PIEZO2: variants seen among roughly 807,000 people sequenced by gnomAD.
PIEZO2 encodes piezo type mechanosensitive ion channel component 2.
Under a neutral mutation model 337.3 loss-of-function variants are expected in PIEZO2, and 172 were observed. That is an observed-to-expected ratio of 0.51 (90% CI 0.45 to 0.58). The LOEUF (loss-of-function observed/expected upper bound fraction) is 0.58. Ranked by LOEUF, PIEZO2 falls within the 20% of genes least tolerant of loss-of-function variation. The probability of loss-of-function intolerance (pLI) is 0.00; values close to 1 mark genes in which losing one functional copy is unlikely to be tolerated. For missense variants in PIEZO2, 3,028 were observed against 3,391.3 expected (o/e 0.89, Z 2.66); for synonymous variants, 1,251 against 1,228.5 (o/e 1.02, Z -0.38).
chr18:10,957,171 G>C (rs1374542694), intron 3 of PIEZO2, among the ~76,000 whole-genome samples: 1 of 151,672 alleles, frequency 6.6e-6, no homozygotes, highest in Non-Finnish European at 1.5e-5. Context: ...GGCTGAGGTG[G>C]GTGGATCATG....
At position 11,147,087 on chromosome 18, in the gene PIEZO2, G is replaced by A. The variant is rs375154043; in HGVS notation, c.64+1438C>T. On this transcript the variant is annotated intron_variant, in intron 1 of 55. Coordinates refer to ENST00000674853, the MANE Select transcript of PIEZO2 (RefSeq NM_001378183.1). Reference sequence around the variant, plus strand: ...GATACAGAGATGATCCCTGAGCAGTGACACCCTCTGTGTGTAAGGCACCTG... The same window carrying A: ...GATACAGAGATGATCCCTGAGCAGTAACACCCTCTGTGTGTAAGGCACCTG... 3.3e-5 allele frequency among the ~76,000 whole-genome samples: 5 copies of A among 152,204 alleles called. No homozygotes were observed. The East Asian group carries it at 9.6e-4, about 29-fold the overall frequency.
chr18:11,105,238 T>A lies in PIEZO2; in HGVS notation c.65-39016A>T, dbSNP rs1319016341. 1.3e-5 allele frequency among the ~76,000 whole-genome samples: 2 copies of A among 151,864 alleles called. No individual in the cohort carries two copies. The highest frequency in any genetic ancestry group is 4.8e-5 in the African/African-American group (2 of 41,304). On this transcript the variant is annotated intron_variant, in intron 1 of 55. Coordinates refer to ENST00000674853, the MANE Select transcript of PIEZO2 (RefSeq NM_001378183.1). This position sits in a 1 kb window ranked among gnomAD's most constrained non-coding sequence, Gnocchi z 4.3. ...TTCTGAAACTTGCAACCAAAAAGAG[T>A]TACACGCCCAAAGACTGCAAACCAA...
Position 10,696,177 on chromosome 18 carries a change from G to A in PIEZO2, c.7087C>T (p.Leu2363Phe), listed in dbSNP as rs1404066413. The A allele has an allele frequency of 1.2e-6, 2 of 1,614,002 alleles. No homozygotes were observed. Among genetic ancestry groups the A allele is most frequent in the Non-Finnish European group, 1.7e-6 (2 of 1,179,966 alleles). The change falls in exon 47 of 56, where the codon CTC becomes TTC. Residue 2363 changes from leucine to phenylalanine, a missense_variant. This residue lies in a region of PIEZO2 where 179 missense variants were observed against 281.8 expected (regional missense o/e 0.64). Coordinates refer to ENST00000674853, the MANE Select transcript of PIEZO2 (RefSeq NM_001378183.1). Reference sequence around the variant, plus strand: ...CCCAGTACAGTCTTCCTGAGGTAGAGGGCTCGGTCCACCACCATGGTTCCA... The same window carrying A: ...CCCAGTACAGTCTTCCTGAGGTAGAAGGCTCGGTCCACCACCATGGTTCCA... ...QFGTMVVDRA[L>F]YLRKTVLGKV...
At position 11,105,459 on chromosome 18, in the gene PIEZO2, T is replaced by C. The variant is rs1361832262; in HGVS notation, c.65-39237A>G. Reference sequence around the variant, plus strand: ...TCACATCTTCATCCTCACGACACACTTCCACACTTCAAACTACCACGTGGT... The same window carrying C: ...TCACATCTTCATCCTCACGACACACCTCCACACTTCAAACTACCACGTGGT... On this transcript the variant is annotated intron_variant, in intron 1 of 55. Coordinates refer to ENST00000674853, the MANE Select transcript of PIEZO2 (RefSeq NM_001378183.1). This position sits in a 1 kb window ranked among gnomAD's most constrained non-coding sequence, Gnocchi z 4.3. Among the ~76,000 whole-genome samples, 1 of 152,110 alleles carries C rather than the reference T, an allele frequency of 6.6e-6. No homozygotes were observed. Among genetic ancestry groups the C allele is most frequent in the African/African-American group, 2.4e-5 (1 of 41,420 alleles).
At chr18:10,701,879 C>T in intron 43 of PIEZO2, 110 bp downstream of exon 43, 1 of 858,458 alleles carries the variant, frequency 1.2e-6, no homozygotes, top group Non-Finnish European at 1.7e-6. Context: ...CACTCACTGG[C>T]CCCTCAGCCC....
rs1314535404 is a variant in PIEZO2, at chr18:10,919,588, T to G, written c.287-8360A>C. On this transcript the variant is annotated intron_variant, in intron 3 of 55. Transcript: ENST00000674853. ...TTTGTAGAGACTAGGGCAGGTCTGT[T>G]CACAAACATCCATGCTTCAACACTC... Among the ~76,000 whole-genome samples the G allele has an allele frequency of 3.9e-5, 6 of 152,112 alleles. No homozygotes were observed. In the East Asian group the frequency reaches 1.2e-3, roughly 29 times the overall value.
rs376593720 is a variant in PIEZO2 at position 10,853,081 on chromosome 18, A to G, written c.917+2272T>C. 3.3e-5 allele frequency among the ~76,000 whole-genome samples: 5 copies of G among 152,206 alleles called. No individual in the cohort carries two copies. Among genetic ancestry groups the G allele is most frequent in the African/African-American group, 1.2e-4 (5 of 41,460 alleles). On this transcript the variant is annotated intron_variant, in intron 7 of 55. Coordinates refer to ENST00000674853, the MANE Select transcript of PIEZO2 (RefSeq NM_001378183.1). This position sits in a 1 kb window ranked among gnomAD's most constrained non-coding sequence, Gnocchi z 4.2. The stretch of plus-strand genomic sequence containing the variant: ...TAAAATGGCGGAGTTTAACTGGTAC[A>G]TGACCTTGTAGGAGCATTCGGTGAG...
rs77481189 is a variant in PIEZO2, at chr18:11,021,484, A to G, written c.161-41824T>C. Among the ~76,000 whole-genome samples, 3,244 of 152,136 alleles carry G rather than the reference A, an allele frequency of 0.021. 114 individuals carry two copies. Among genetic ancestry groups the G allele is most frequent in the African/African-American group, 0.074 (3,056 of 41,504 alleles). ...CTCCATGAATGCTTTCTTGGTGGTA[A>G]GGATGCAAATTTGAGTTGAGTTTCT... On this transcript the variant is annotated intron_variant, in intron 2 of 55. Transcript: ENST00000674853. This position sits in a 1 kb window ranked among gnomAD's most constrained non-coding sequence, Gnocchi z 4.7.
chr18:10,842,847 CAAT>C (rs1349447803), intron 7 of PIEZO2, among the ~76,000 whole-genome samples: 1 of 152,236 alleles, frequency 6.6e-6, no homozygotes, highest in Non-Finnish European at 1.5e-5. Context: ...AAAAACTCAA[CAAT>C]GAGTAACAAG....
chr18:10,999,288 C>T (rs1488935755), intron 2 of PIEZO2, among the ~76,000 whole-genome samples: 1 of 151,990 alleles, frequency 6.6e-6, no homozygotes, highest in Admixed American at 6.6e-5. Context: ...TTCAGCTCAC[C>T]TCCAAGTTGA....
rs1238332860 is a variant in PIEZO2, at chr18:10,846,454, T to C, written c.917+8899A>G. ...AAGAAAATCAAGTTTTACATTATTC[T>C]GATATATAAGGAGATAAAATACAAG... On this transcript the variant is annotated intron_variant, in intron 7 of 55. Transcript: ENST00000674853. The surrounding 1 kb of genome is among the most constrained non-coding windows in gnomAD (Gnocchi z 4.1). 6.6e-6 allele frequency among the ~76,000 whole-genome samples: 1 copy of C among 152,180 alleles called. No homozygotes were observed. The highest frequency in any genetic ancestry group is 1.5e-5 in the Non-Finnish European group (1 of 68,030).
chr18:10,757,222 G>C (rs958134635), intron 27 of PIEZO2, among the ~76,000 whole-genome samples: 5 of 149,758 alleles, frequency 3.3e-5, no homozygotes, highest in African/African-American at 1.2e-4. Context: ...GGATGAGGAT[G>C]AGAGGGAGGA....
At chr18:10,692,999 T>C (rs2034917793) in intron 47 of PIEZO2, among the ~76,000 whole-genome samples, 1 of 152,174 alleles carries the variant, frequency 6.6e-6, no homozygotes, top group Non-Finnish European at 1.5e-5. Flanking sequence ...ACAAGTATTT[T>C]GATGCATGAA....
intron 35 of PIEZO2, among the ~76,000 whole-genome samples, chr18:10,733,725 G>A (rs2036883590): frequency 6.6e-6 from 1 of 152,206 alleles, no homozygotes; most frequent in Non-Finnish European, 1.5e-5. Flanking sequence ...TGGGATTACA[G>A]GCGTGAGCCA....
intron 2 of PIEZO2, among the ~76,000 whole-genome samples, chr18:11,054,539 A>G (rs2037646493): frequency 6.6e-6 from 1 of 152,226 alleles, no homozygotes; most frequent in Non-Finnish European, 1.5e-5. Flanking sequence ...GCAAAAAAGC[A>G]TATCCTTGCC....
intron 4 of PIEZO2, among the ~76,000 whole-genome samples, chr18:10,873,242 C>T (rs924533694): frequency 7.9e-5 from 12 of 152,128 alleles, no homozygotes; most frequent in Non-Finnish European, 1.5e-5. Context: ...GCAGTTACTT[C>T]GTGCTAAGAG....
In PIEZO2 at chr18:10,697,923, G is replaced by A. The variant is rs1217939770; in HGVS notation, c.6695-43C>T. 5 of 1,560,574 alleles carry A rather than the reference G, an allele frequency of 3.2e-6. No individual in the cohort carries two copies. In the Admixed American group the frequency reaches 5.8e-5, roughly 18 times the overall value. Reference sequence around the variant, plus strand: ...TCATAAGATGGGTGGTGGAGCCTGGGGTTTGTTCACCTAAATATCCAAGAA... The same window carrying A: ...TCATAAGATGGGTGGTGGAGCCTGGAGTTTGTTCACCTAAATATCCAAGAA... On this transcript the variant is annotated intron_variant, in intron 44 of 55. Coordinates refer to ENST00000674853, the MANE Select transcript of PIEZO2 (RefSeq NM_001378183.1).
rs1598360478 is a variant in PIEZO2, at chr18:10,691,477, T to A, written c.7191-94A>T. Reference sequence around the variant, plus strand: ...AATTAAAACAACAGGCCAACAGAATTTCCCCTTCATCATTCCAACTCAATT... The same window carrying A: ...AATTAAAACAACAGGCCAACAGAATATCCCCTTCATCATTCCAACTCAATT... On this transcript the variant is annotated intron_variant, in intron 47 of 55. Transcript: ENST00000674853. 17 of 1,291,492 alleles carry A rather than the reference T, an allele frequency of 1.3e-5. No individual in the cohort carries two copies. The South Asian group carries it at 1.9e-4, about 14-fold the overall frequency. 80.0% of individuals were successfully genotyped at this position (1,291,492 alleles called of 1,614,324 possible). A position where few individuals can be genotyped will look rare whatever the true frequency, so the allele number is the denominator to read the frequency against.
chr18:11,050,624 A>G (rs2037489215), intron 2 of PIEZO2, among the ~76,000 whole-genome samples: 1 of 152,034 alleles, frequency 6.6e-6, no homozygotes, highest in African/African-American at 2.4e-5. Flanking sequence ...AGAGTAGAAT[A>G]AAATATGTTT....
Sources: gnomAD v4.1 joint callset for allele counts (sites outside exome capture counted in the v4.1 genomes callset) on GRCh38, gnomAD v4.1.1 for gene constraint, gnomAD v4.1.1 regional missense constraint, Gnocchi (gnomAD v3.1) non-coding constraint, MANE v1.5 for transcripts, NCBI Gene and HGNC (gene_info 2026-07-23, HGNC 2026-07-21) for gene names.